FARP2: variants seen among roughly 807,000 people sequenced by gnomAD.
FARP2 encodes FERM, ARHGEF and pleckstrin domain-containing protein 2.
FARP2 carries 111 observed loss-of-function variants against 130.5 expected under a neutral mutation model. The ratio of observed to expected loss-of-function variants is 0.85; its 90% CI spans 0.73 to 1.00. The LOEUF is 1.00. FARP2 is among the 50% of genes least tolerant of loss of function. The pLI, the probability that FARP2 is intolerant of heterozygous loss-of-function variation, is 0.00. For missense variants in FARP2, 1,385 were observed against 1,346.3 expected (o/e 1.03, Z -0.45); for synonymous variants, 504 against 516.9 (o/e 0.98, Z 0.34).
chr2:241,408,140 C>T (rs760464839), intron 5 of FARP2, among the ~76,000 whole-genome samples: 9 of 152,090 alleles, frequency 5.9e-5, no homozygotes, highest in East Asian at 1.9e-4. Flanking sequence ...GAGGCCAAGG[C>T]GGGCAGATCA....
At chr2:241,410,159 TTC>T (rs1182059833) in intron 5 of FARP2, among the ~76,000 whole-genome samples, 14 of 152,228 alleles carry the variant, frequency 9.2e-5, no homozygotes, top group Middle Eastern at 3.2e-3. Context: ...TTCAATTGCC[TTC>T]TCTCATTACA....
chr2:241,357,039 CG>C lies in FARP2; in HGVS notation c.-25+654del, dbSNP rs2061085066. 5.3e-5 allele frequency among the ~76,000 whole-genome samples: 8 copies of C among 152,332 alleles called. No homozygotes were observed. In the South Asian group the frequency reaches 1.7e-3, roughly 32 times the overall value. ...CCCAGTACATTACACACCCGAATTA[CG>C]GGCACCTTTTCCGTTTACGCTATGG... On this transcript the variant is annotated intron_variant, in intron 1 of 26. Transcript: ENST00000264042.
chr2:241,394,535 GAC>G (rs1208849405), intron 2 of FARP2, among the ~76,000 whole-genome samples: 1 of 140,696 alleles, frequency 7.1e-6, no homozygotes, highest in Non-Finnish European at 1.6e-5. Context: ...AAAAAAAAAA[GAC>G]ATGTGACTGA....
intron 2 of FARP2, among the ~76,000 whole-genome samples, chr2:241,396,791 C>G (rs921179852): frequency 1.3e-5 from 2 of 152,044 alleles, no homozygotes; most frequent in African/African-American, 4.8e-5. Context: ...CCTCAGGGAT[C>G]TAGAACTAGA....
At chr2:241,463,223 C>T (rs2064071962) in intron 15 of FARP2, 112 bp from the exon 16 acceptor site, 11 of 1,108,306 alleles carry the variant, frequency 9.9e-6, no homozygotes, top group South Asian at 1.6e-5. Context: ...TCTTTGTAGG[C>T]GGTGACTGGA....
intron 1 of FARP2, among the ~76,000 whole-genome samples, chr2:241,371,551 G>A (rs2061424894): frequency 6.6e-6 from 1 of 152,170 alleles, no homozygotes; most frequent in African/African-American, 2.4e-5. Flanking sequence ...AGAGGAAAGG[G>A]CCAGGAGACT....
intron 8 of FARP2, among the ~76,000 whole-genome samples, chr2:241,421,190 A>G (rs542863133): frequency 2.0e-5 from 3 of 152,300 alleles, no homozygotes; most frequent in Middle Eastern, 3.4e-3. Context: ...AGATCTCCTC[A>G]TGAGCCCATG....
chr2:241,400,762 A>G (rs1291428369), intron 2 of FARP2, among the ~76,000 whole-genome samples: 1 of 152,132 alleles, frequency 6.6e-6, no homozygotes, highest in Non-Finnish European at 1.5e-5. Context: ...AGTCATGAGG[A>G]GGACTGTCCT....
intron 1 of FARP2, among the ~76,000 whole-genome samples, chr2:241,359,941 T>C (rs2061149069): frequency 6.6e-6 from 1 of 152,196 alleles, no homozygotes; most frequent in Non-Finnish European, 1.5e-5. Context: ...CAGGACACGG[T>C]AGCTGTTGTA....
Position 241,493,045 on chromosome 2 carries a change from G to GT in FARP2, c.2895+12dup, listed in dbSNP as rs1193429714. The GT allele has an allele frequency of 1.4e-6, 2 of 1,470,072 alleles. No individual in the cohort carries two copies. Among genetic ancestry groups the GT allele is most frequent in the African/African-American group, 1.4e-5 (1 of 72,304 alleles). The allele number at this position is 1,470,072 out of a possible 1,614,324, so 91.1% of individuals were successfully genotyped here. On this transcript the variant is annotated intron_variant, in intron 25 of 26. Transcript: ENST00000264042. ...TCTACAAAACTCATCAGGTACTGGA[G>GT]TTTCACTGGAGCCCAATGCAGGTGA...
intron 17 of FARP2, among the ~76,000 whole-genome samples, chr2:241,467,596 C>G (rs900028681): frequency 1.3e-5 from 2 of 151,698 alleles, no homozygotes; most frequent in Admixed American, 6.6e-5. Flanking sequence ...GAGCTAAGAT[C>G]CCACCACTGT....
intron 13 of FARP2, 83 bp downstream of exon 13, chr2:241,441,639 A>G: frequency 6.3e-7 from 1 of 1,587,702 alleles, no homozygotes; most frequent in Non-Finnish European, 8.6e-7. Context: ...ACCTAGACAC[A>G]GGGAGGGCCG....
Position 241,373,302 on chromosome 2 carries a change from G to A in FARP2, c.183+12G>A. The A allele has an allele frequency of 7.2e-7, 1 of 1,385,124 alleles. No homozygotes were observed. The allele number at this position is 1,385,124 out of a possible 1,614,324, so 85.8% of individuals were successfully genotyped here. ...TATTTGACATTGAGGTAAGAAGCAT[G>A]ATTTTTGGAGGCATATTTCCTTATA... On this transcript the variant is annotated intron_variant, in intron 2 of 26. Transcript: ENST00000264042.
At chr2:241,447,525 G>A (rs372273416) in intron 13 of FARP2, among the ~76,000 whole-genome samples, 12 of 152,244 alleles carry the variant, frequency 7.9e-5, no homozygotes, top group East Asian at 1.9e-4. Context: ...CACTTTTACC[G>A]TGCACAGAAC....
chr2:241,460,078 C>G (rs3771584), intron 14 of FARP2, among the ~76,000 whole-genome samples: 27,524 of 152,162 alleles, frequency 0.18, 3,070 homozygotes, highest in East Asian at 0.4. Flanking sequence ...GCCACGGTGA[C>G]TGTGGCTAGG....
At chr2:241,447,689 A>C (rs767112072) in intron 13 of FARP2, among the ~76,000 whole-genome samples, 6 of 152,124 alleles carry the variant, frequency 3.9e-5, no homozygotes, top group African/African-American at 1.2e-4. Context: ...GCAAGGCTTT[A>C]TTCCACTCTG....
intron 2 of FARP2, among the ~76,000 whole-genome samples, chr2:241,399,842 G>A (rs1407628131): frequency 1.3e-5 from 2 of 152,190 alleles, no homozygotes; most frequent in Non-Finnish European, 2.9e-5. Context: ...TGTGCATGGT[G>A]TGAGGTTGGA....
intron 5 of FARP2, among the ~76,000 whole-genome samples, chr2:241,408,694 A>G (rs957819466): frequency 5.3e-5 from 8 of 152,354 alleles, no homozygotes; most frequent in Middle Eastern, 3.4e-3. Context: ...ACCCAAAATT[A>G]GATATAAAAG....
At chr2:241,367,067 T>TTGACTGCCAACCCTGTC (rs2061334088) in intron 1 of FARP2, among the ~76,000 whole-genome samples, 1 of 152,096 alleles carries the variant, frequency 6.6e-6, no homozygotes, top group South Asian at 2.1e-4. Context: ...CTTCCTGGTG[T>TTGACTGCCAACCCTGTC]TTGAGGGACA....
Sources: gnomAD v4.1 joint callset for allele counts (sites outside exome capture counted in the v4.1 genomes callset) on GRCh38, gnomAD v4.1.1 for gene constraint, MANE v1.5 for transcripts, NCBI Gene and HGNC (gene_info 2026-07-23, HGNC 2026-07-21) for gene names.